Variants in GPAM observed in about 807,000 individuals in gnomAD.
GPAM encodes the protein glycerol-3-phosphate acyltransferase 1, mitochondrial.
A neutral mutation model predicts 105.0 loss-of-function variants in GPAM; 56 were observed. The ratio of observed to expected loss-of-function variants is 0.53; its 90% CI spans 0.43 to 0.67. The LOEUF (loss-of-function observed/expected upper bound fraction) is 0.67. GPAM is among the 30% of genes least tolerant of loss of function. GPAM has a pLI of 0.00. For synonymous variants in GPAM, 368 were observed against 354.4 expected (o/e 1.04, Z -0.43); for missense variants, 855 against 989.8 (o/e 0.86, Z 1.83).
chr10:112,172,160 T>C (rs767907791), intron 9 of GPAM, 22 bp downstream of exon 9: 1 of 1,568,730 alleles, frequency 6.4e-7, no homozygotes. Flanking sequence ...ATTCCTTAAA[T>C]TCCAAAATAA....
At position 112,150,138 on chromosome 10, in the gene GPAM, A is replaced by G. The variant is rs926737772; in HGVS notation, c.*3412T>C. On this transcript the variant is annotated 3_prime_UTR_variant, in exon 22 of 22. Transcript: ENST00000348367. Reference sequence around the variant, plus strand: ...CTTTCAAATGCAATCATTAGTTTGTATTAAACTAAAATGCCAGACGGCAAG... The same window carrying G: ...CTTTCAAATGCAATCATTAGTTTGTGTTAAACTAAAATGCCAGACGGCAAG... 1 of 983,104 alleles carries G rather than the reference A, an allele frequency of 1.0e-6. No homozygotes were observed. The highest frequency in any genetic ancestry group is 1.2e-6 in the Non-Finnish European group (1 of 827,756). 60.9% of individuals were successfully genotyped at this position (983,104 alleles called of 1,614,324 possible).
chr10:112,173,088 A>G (rs751799822), intron 7 of GPAM, 22 bp from the exon 8 acceptor site: 1 of 1,336,706 alleles, frequency 7.5e-7, no homozygotes, highest in Admixed American at 1.7e-5. Context: ...TACAAACAAA[A>G]AAAACAACAT....
intron 6 of GPAM, among the ~76,000 whole-genome samples, chr10:112,174,133 G>T (rs1331909345): frequency 6.6e-6 from 1 of 151,708 alleles, no homozygotes; most frequent in African/African-American, 2.4e-5. Flanking sequence ...AAAGTATGAG[G>T]GACACGAAAT....
upstream of GPAM, among the ~76,000 whole-genome samples, chr10:112,215,865 G>C (rs139942855): frequency 6.6e-6 from 1 of 152,130 alleles, no homozygotes; most frequent in Non-Finnish European, 1.5e-5. Context: ...TGTGCATTTC[G>C]TATTTGTCTT....
At chr10:112,223,230 A>G in the GPAM span, among the ~76,000 whole-genome samples, 7 of 152,170 alleles carry the variant, frequency 4.6e-5, no homozygotes, top group Non-Finnish European at 8.8e-5. Context: ...TTCACCCTTC[A>G]TAAACACCTC....
chr10:112,225,771 A>G, the GPAM span, among the ~76,000 whole-genome samples: 1 of 152,170 alleles, frequency 6.6e-6, no homozygotes, highest in African/African-American at 2.4e-5. Context: ...AACATTGCAG[A>G]GCTCATTGTC....
chr10:112,208,169 C>T lies in GPAM; in HGVS notation n.210+6999G>A, dbSNP rs538735527. ...ATCCCAAGATGCCCCAACAGAAGCA[C>T]GTGGATAGAGAACCCCCAAGATTCG... On this transcript the variant is annotated intron_variant and non_coding_transcript_variant, in intron 1 of 3. Coordinates refer to the GPAM transcript ENST00000480130. Among the ~76,000 whole-genome samples, 11 of 152,244 alleles carry T rather than the reference C, an allele frequency of 7.2e-5. No homozygotes were observed. In the South Asian group the frequency reaches 1.2e-3, roughly 17 times the overall value.
At chr10:112,157,170 C>T in intron 19 of GPAM, 79 bp downstream of exon 19, 1 of 1,244,598 alleles carries the variant, frequency 8.0e-7, no homozygotes, top group Non-Finnish European at 1.2e-6. Flanking sequence ...AAGACATCAC[C>T]AGGACTCCAG....
rs761230443 is a variant in GPAM, at chr10:112,153,216, C to CA, written c.*333dup. The CA allele has an allele frequency of 2.2e-4, 250 of 1,150,140 alleles. No homozygotes were observed. The highest frequency in any genetic ancestry group is 2.6e-4 in the Non-Finnish European group (239 of 924,214). 71.2% of individuals were successfully genotyped at this position (1,150,140 alleles called of 1,614,324 possible). On this transcript the variant is annotated 3_prime_UTR_variant, in exon 22 of 22. Coordinates refer to ENST00000348367, the MANE Select transcript of GPAM (RefSeq NM_001244949.2). ...CAGAACACAGCTACATTTCTGTGTC[C>CA]ATCACAGTAATTAGTCCTTAAAAGT...
chr10:112,225,656 C>T, the GPAM span, among the ~76,000 whole-genome samples: 2,859 of 152,142 alleles, frequency 0.019, 99 homozygotes, highest in African/African-American at 0.066. Context: ...CCCTCTCTGA[C>T]CTCTCCATAT....
intron 18 of GPAM, 87 bp downstream of exon 18, chr10:112,158,229 C>A (rs1847053382): frequency 3.2e-6 from 3 of 925,792 alleles, no homozygotes; most frequent in Non-Finnish European, 3.6e-6. Context: ...CCATGCCTGG[C>A]CAATTATTGG....
rs993865059 is a variant in GPAM, at chr10:112,199,549, C to CA, written n.210+15618dup. Among the ~76,000 whole-genome samples, 8 of 152,254 alleles carry CA rather than the reference C, an allele frequency of 5.3e-5. No homozygotes were observed. The East Asian group carries it at 7.7e-4, about 15-fold the overall frequency. The stretch of plus-strand genomic sequence containing the variant: ...GAATAGATTTTAAATATTCCCACCA[C>CA]AAAAAATTAAGTATGTGAGGTGGTG... On this transcript the variant is annotated intron_variant and non_coding_transcript_variant, in intron 1 of 3. Transcript: ENST00000480130.
intron 7 of GPAM, 58 bp from the exon 8 acceptor site, chr10:112,173,124 A>G: frequency 1.1e-6 from 1 of 936,690 alleles, no homozygotes; most frequent in Non-Finnish European, 1.8e-6. Flanking sequence ...ATTTTTACAT[A>G]CAAGCACATA....
At chr10:112,177,797 G>A (rs1847433790) in intron 5 of GPAM, among the ~76,000 whole-genome samples, 187 bp downstream of exon 5, 1 of 152,136 alleles carries the variant, frequency 6.6e-6, no homozygotes, top group African/African-American at 2.4e-5. Flanking sequence ...AAGTACACAA[G>A]TGGTAACAGT....
At chr10:112,158,195 T>C in intron 18 of GPAM, 121 bp downstream of exon 18, 1 of 785,028 alleles carries the variant, frequency 1.3e-6, no homozygotes, top group Non-Finnish European at 2.3e-6. Flanking sequence ...CCTCCCAAAG[T>C]GCTGGGATTA....
intron 20 of GPAM, chr10:112,155,005 T>C (rs1846989753): frequency 4.7e-6 from 2 of 428,950 alleles, no homozygotes; most frequent in Non-Finnish European, 8.7e-6. Flanking sequence ...TCCAGGACTG[T>C]TGTGAGAATC....
chr10:112,153,804 T>G (rs1846964943), intron 21 of GPAM, 138 bp from the exon 22 acceptor site: 3 of 844,850 alleles, frequency 3.6e-6, no homozygotes, highest in African/African-American at 3.4e-5. Context: ...ATTAAGTAAA[T>G]GTATGCCTGG....
chr10:112,194,435 C>T (rs941470304), intron 1 of GPAM, among the ~76,000 whole-genome samples: 4 of 152,186 alleles, frequency 2.6e-5, no homozygotes, highest in African/African-American at 4.8e-5. Context: ...TGCATCTCTG[C>T]GGACACTATG....
chr10:112,173,773 G>T lies in GPAM; in HGVS notation c.486C>A (p.Ala162=), dbSNP rs34215277. 9.9e-6 allele frequency: 16 copies of T among 1,613,254 alleles called. No individual in the cohort carries two copies. In the African/African-American group the frequency reaches 2.1e-4, roughly 22 times the overall value. ...TAGCTTTCTTTTTCACTTTGTTAACGGCTTTTGATTGCTGCTGGGCAGAAC... is the reference window on the plus strand; with the variant it reads ...TAGCTTTCTTTTTCACTTTGTTAACTGCTTTTGATTGCTGCTGGGCAGAAC... ...PDGSAQQQSK[A]VNKVKKKAKR... is the part of the protein sequence containing the mutation. Residue 162 remains alanine (A), a synonymous_variant, in exon 7 of 22, where the codon GCC becomes GCA. Transcript: ENST00000348367.
Sources: gnomAD v4.1 joint callset for allele counts (sites outside exome capture counted in the v4.1 genomes callset) on GRCh38, gnomAD v4.1.1 for gene constraint, MANE v1.5 for transcripts, NCBI Gene and HGNC (gene_info 2026-07-23, HGNC 2026-07-21) for gene names.